The following SULF2 variants were observed in gnomAD, a reference collection of about 807,000 sequenced individuals.
SULF2 encodes sulfatase 2, also known as extracellular sulfatase Sulf-2.
A neutral mutation model predicts 107.7 loss-of-function variants in SULF2; 52 were observed. The observed-to-expected ratio is 0.48, with a 90% CI of 0.39 to 0.61. SULF2 has a LOEUF of 0.61. Ranked by LOEUF, SULF2 falls within the 20% of genes least tolerant of loss-of-function variation. The pLI is 0.00. For synonymous variants in SULF2, 460 were observed against 464.3 expected (o/e 0.99, Z 0.12); for missense variants, 993 against 1,177.3 (o/e 0.84, Z 2.29).
At chr20:47,687,732 G>C (rs1186832999) in intron 5 of SULF2, among the ~76,000 whole-genome samples, 1 of 151,434 alleles carries the variant, frequency 6.6e-6, no homozygotes, top group Non-Finnish European at 1.5e-5. Context: ...TTTCGAGACA[G>C]GGTCTCACTC....
Position 47,676,484 on chromosome 20 carries a change from G to C in SULF2, c.1380+10C>G, listed in dbSNP as rs768443661. ...GGGGGAGCCGTTGGGAGGGAAGGGAGCCTTCTTACCTGTCCCAGCTGCTCA... is the reference window on the plus strand; with the variant it reads ...GGGGGAGCCGTTGGGAGGGAAGGGACCCTTCTTACCTGTCCCAGCTGCTCA... On this transcript the variant is annotated intron_variant, in intron 10 of 20. Coordinates refer to ENST00000688720, the MANE Select transcript of SULF2 (RefSeq NM_001387048.1). 15 of 1,605,682 alleles carry C rather than the reference G, an allele frequency of 9.3e-6. No homozygotes were observed. The African/African-American group carries it at 1.9e-4, about 20-fold the overall frequency.
At chr20:47,717,093 T>C (rs912641127) in intron 3 of SULF2, among the ~76,000 whole-genome samples, 5 of 152,184 alleles carry the variant, frequency 3.3e-5, no homozygotes, top group Non-Finnish European at 7.3e-5. Flanking sequence ...GCTATGTACC[T>C]GCTAGAAAAC....
chr20:47,657,506 A>G lies in SULF2; in HGVS notation c.*856T>C, dbSNP rs1602562840. 1 of 152,190 alleles carries G rather than the reference A, an allele frequency of 6.6e-6. No homozygotes were observed. 9.4% of individuals were successfully genotyped at this position (152,190 alleles called of 1,614,324 possible). A position where few individuals can be genotyped will look rare whatever the true frequency, so the allele number is the denominator to read the frequency against. On this transcript the variant is annotated 3_prime_UTR_variant, in exon 21 of 21. Transcript: ENST00000688720. ...ACTGTATGACAATACTTAAACTACA[A>G]AATTTTTTTTACAAATACAGTTTCA...
intron 2 of SULF2, among the ~76,000 whole-genome samples, chr20:47,737,742 CTTTCT>C (rs1283766954): frequency 2.5e-5 from 3 of 120,760 alleles, no homozygotes; most frequent in African/African-American, 9.2e-5. Context: ...GCTCTTGTTT[CTTTCT>C]TTTCTTTGTT....
chr20:47,737,012 A>C, intron 2 of SULF2, 70 bp from the exon 3 acceptor site: 2 of 1,598,626 alleles, frequency 1.3e-6, no homozygotes, highest in Non-Finnish European at 8.5e-7. Flanking sequence ...GGGGGCTCTC[A>C]GCACGTGGCA....
intron 6 of SULF2, among the ~76,000 whole-genome samples, chr20:47,684,145 T>C (rs1373540172): frequency 1.3e-5 from 2 of 152,194 alleles, no homozygotes; most frequent in Non-Finnish European, 2.9e-5. Context: ...GGTATGTGAA[T>C]TACATCCCAA....
At chr20:47,721,962 GC>G (rs776982700) in intron 3 of SULF2, among the ~76,000 whole-genome samples, 82 of 152,284 alleles carry the variant, frequency 5.4e-4, no homozygotes, top group Non-Finnish European at 9.1e-4. Flanking sequence ...TTTTGCTGGA[GC>G]CCTTGGAAAG....
intron 2 of SULF2, among the ~76,000 whole-genome samples, chr20:47,752,783 C>A (rs1474484560): frequency 6.6e-6 from 1 of 151,262 alleles, no homozygotes; most frequent in African/African-American, 2.4e-5. Flanking sequence ...TAAAGATGTT[C>A]TGAGAGGCAA....
rs912120802 is a variant in SULF2, at chr20:47,785,333, C to T, written c.-101+10G>A. The T allele has an allele frequency of 2.7e-5, 4 of 146,708 alleles. No homozygotes were observed. The highest frequency in any genetic ancestry group is 2.0e-4 in the Admixed American group (3 of 14,786). 9.1% of individuals were successfully genotyped at this position (146,708 alleles called of 1,614,324 possible). A position where few individuals can be genotyped will look rare whatever the true frequency, so the allele number is the denominator to read the frequency against. On this transcript the variant is annotated intron_variant, in intron 1 of 20. Transcript: ENST00000688720. ...CCCAGCCACCCACCTGCCCCCCACG[C>T]CCCACTCACCAGCGCGCACGGCCCC...
At chr20:47,730,744 G>A (rs2089576712) in intron 3 of SULF2, among the ~76,000 whole-genome samples, 1 of 152,204 alleles carries the variant, frequency 6.6e-6, no homozygotes, top group Non-Finnish European at 1.5e-5. Flanking sequence ...CACTGTGCCC[G>A]GCCAGCTGAT....
chr20:47,695,154 T>C (rs1212697047), intron 4 of SULF2, among the ~76,000 whole-genome samples: 2 of 152,238 alleles, frequency 1.3e-5, no homozygotes, highest in African/African-American at 2.4e-5. Context: ...ATTACTGCCA[T>C]TGCAGCTTGA....
intron 6 of SULF2, 24 bp from the exon 7 acceptor site, chr20:47,683,193 G>A: frequency 6.4e-7 from 1 of 1,559,298 alleles, no homozygotes; most frequent in Non-Finnish European, 8.7e-7. Flanking sequence ...GAGGAGGCAA[G>A]GGACAGTGGG....
intron 1 of SULF2, among the ~76,000 whole-genome samples, chr20:47,780,743 AG>A (rs1204062684): frequency 1.3e-5 from 2 of 151,636 alleles, no homozygotes; most frequent in Non-Finnish European, 2.9e-5. Flanking sequence ...TAGTAGAGAG[AG>A]GGTTTTGCCA....
intron 3 of SULF2, among the ~76,000 whole-genome samples, chr20:47,717,255 CT>C (rs2089151260): frequency 6.6e-6 from 1 of 152,066 alleles, no homozygotes; most frequent in African/African-American, 2.4e-5. Flanking sequence ...GAGGTAGATC[CT>C]TTTTTTGGTC....
chr20:47,676,857 T>C (rs969163864), intron 9 of SULF2, among the ~76,000 whole-genome samples: 2 of 152,226 alleles, frequency 1.3e-5, no homozygotes, highest in African/African-American at 4.8e-5. Flanking sequence ...ATTGAAGACA[T>C]TGTAGAGGCT....
At chr20:47,748,157 G>A (rs1490296564) in intron 2 of SULF2, among the ~76,000 whole-genome samples, 1 of 152,140 alleles carries the variant, frequency 6.6e-6, no homozygotes, top group Non-Finnish European at 1.5e-5. Flanking sequence ...GGACCACCAG[G>A]TCTCCCCTGT....
intron 13 of SULF2, 68 bp from the exon 14 acceptor site, chr20:47,665,361 A>T: frequency 2.9e-6 from 3 of 1,033,396 alleles, no homozygotes; most frequent in Non-Finnish European, 4.6e-6. Context: ...TGGCCTGGTG[A>T]CTGCCCCCAC....
At chr20:47,676,990 A>C in intron 9 of SULF2, 88 bp downstream of exon 9, 1 of 1,435,482 alleles carries the variant, frequency 7.0e-7, no homozygotes, top group Non-Finnish European at 9.7e-7. Flanking sequence ...GCAGCTCCTG[A>C]ATAGCATGAT....
intron 2 of SULF2, among the ~76,000 whole-genome samples, chr20:47,755,160 G>A (rs1048048584): frequency 2.0e-5 from 3 of 152,152 alleles, no homozygotes; most frequent in African/African-American, 7.2e-5. Flanking sequence ...TTCTAGCTGT[G>A]CAAACTTGGA....
Sources: allele counts gnomAD v4.1 joint callset (sites outside exome capture counted in the v4.1 genomes callset), GRCh38; gene constraint gnomAD v4.1.1; transcripts MANE v1.5; gene names NCBI Gene and HGNC (gene_info 2026-07-23, HGNC 2026-07-21).